The following SPAG16 variants were observed in gnomAD, a reference collection of about 807,000 sequenced individuals.
SPAG16 encodes the protein sperm-associated antigen 16 protein.
A neutral mutation model predicts 80.4 loss-of-function variants in SPAG16; 86 were observed. The observed-to-expected ratio is 1.07, with a 90% CI of 0.90 to 1.28. The LOEUF (loss-of-function observed/expected upper bound fraction) is 1.28, where lower values mean the gene tolerates loss of function less well. SPAG16 is among the 50% of genes most tolerant of loss of function. The pLI, the probability that SPAG16 is intolerant of heterozygous loss-of-function variation, is 0.00. For missense variants in SPAG16, 870 were observed against 765.3 expected (o/e 1.14, Z -1.61); for synonymous variants, 294 against 265.9 (o/e 1.11, Z -1.03).
chr2:214,359,016 A>T (rs1699000974), intron 15 of SPAG16, among the ~76,000 whole-genome samples: 1 of 151,908 alleles, frequency 6.6e-6, no homozygotes, highest in African/African-American at 2.4e-5. Flanking sequence ...GAGGAAAGAA[A>T]GGATCAGTTA....
At chr2:214,401,421 A>T (rs970431307) in intron 15 of SPAG16, among the ~76,000 whole-genome samples, 1 of 151,928 alleles carries the variant, frequency 6.6e-6, no homozygotes, top group Non-Finnish European at 1.5e-5. Flanking sequence ...ATGTTATTTC[A>T]TATATGGCAC....
intron 5 of SPAG16, among the ~76,000 whole-genome samples, chr2:213,329,759 G>A (rs1352885226): frequency 6.6e-6 from 1 of 152,258 alleles, no homozygotes; most frequent in Admixed American, 6.5e-5. Flanking sequence ...TGTCTCCAGG[G>A]CATGTCAGAG....
In SPAG16 at chr2:214,053,300, GAACA is replaced by G. The variant is rs200494046; in HGVS notation, c.1527+39226_1527+39229del. ...AATCTATATTAAATCTTCTTAACTA[GAACA>G]AAAAAAAATGAAAATTAAACATTCT... On this transcript the variant is annotated intron_variant, in intron 13 of 15. Coordinates refer to ENST00000331683, the MANE Select transcript of SPAG16 (RefSeq NM_024532.5). 3.6e-3 allele frequency among the ~76,000 whole-genome samples: 551 copies of G among 152,162 alleles called. 5 individuals carry two copies. Among genetic ancestry groups the G allele is most frequent in the African/African-American group, 0.013 (519 of 41,498 alleles).
intron 15 of SPAG16, among the ~76,000 whole-genome samples, chr2:214,358,670 G>T (rs889069674): frequency 4.0e-5 from 6 of 151,840 alleles, no homozygotes; most frequent in African/African-American, 1.4e-4. Flanking sequence ...AGCTCTGCTT[G>T]TTGCAGTCTT....
intron 10 of SPAG16, among the ~76,000 whole-genome samples, chr2:213,733,136 A>C (rs1429918811): frequency 6.6e-6 from 1 of 151,738 alleles, no homozygotes; most frequent in Non-Finnish European, 1.5e-5. Context: ...ACTGATGTTG[A>C]GCTGTTTTTC....
At chr2:214,274,998 T>G (rs1692350260) in intron 15 of SPAG16, among the ~76,000 whole-genome samples, 1 of 152,170 alleles carries the variant, frequency 6.6e-6, no homozygotes, top group Admixed American at 6.5e-5. Context: ...TATTCAGAGA[T>G]TCAACTTCTT....
At chr2:214,350,146 G>T (rs1019090084) in intron 15 of SPAG16, among the ~76,000 whole-genome samples, 2 of 152,148 alleles carry the variant, frequency 1.3e-5, no homozygotes, top group Non-Finnish European at 2.9e-5. Flanking sequence ...TGACCATAAT[G>T]CAAGGTTTTC....
intron 15 of SPAG16, among the ~76,000 whole-genome samples, chr2:214,333,233 A>G (rs1303858784): frequency 1.3e-5 from 2 of 152,174 alleles, no homozygotes; most frequent in African/African-American, 4.8e-5. Flanking sequence ...GGTGCTTCTG[A>G]GTTCAGCTTC....
chr2:213,817,112 TATA>T (rs745370328), intron 10 of SPAG16, among the ~76,000 whole-genome samples: 7 of 151,440 alleles, frequency 4.6e-5, no homozygotes, highest in Non-Finnish European at 5.9e-5. Context: ...CACAGTACAC[TATA>T]ATAATAGTTA....
chr2:213,783,360 G>A (rs561902524), intron 10 of SPAG16, among the ~76,000 whole-genome samples: 3 of 150,760 alleles, frequency 2.0e-5, no homozygotes, highest in South Asian at 2.1e-4. Flanking sequence ...AAGAATCAGA[G>A]TGAAGATTTT....
chr2:213,406,915 G>A (rs1210935721), intron 9 of SPAG16, among the ~76,000 whole-genome samples: 1 of 142,592 alleles, frequency 7.0e-6, no homozygotes, highest in African/African-American at 2.7e-5. Flanking sequence ...GGAATAACCC[G>A]AGCTCTCAGC....
chr2:213,639,945 T>C (rs901196993), intron 10 of SPAG16, among the ~76,000 whole-genome samples: 3 of 152,204 alleles, frequency 2.0e-5, no homozygotes, highest in Admixed American at 6.5e-5. Flanking sequence ...AATTCTTTTT[T>C]TCTTTATCTG....
intron 2 of SPAG16, among the ~76,000 whole-genome samples, chr2:213,296,367 C>T (rs1406016986): frequency 1.3e-5 from 2 of 152,164 alleles, no homozygotes; most frequent in African/African-American, 2.4e-5. Context: ...TTATTACCTG[C>T]CTTGTAGATT....
intron 13 of SPAG16, among the ~76,000 whole-genome samples, chr2:214,031,345 A>C (rs2048398419): frequency 6.7e-6 from 1 of 148,162 alleles, no homozygotes; most frequent in Non-Finnish European, 1.5e-5. Context: ...AGGACAAAAA[A>C]CCAAACACCG....
chr2:213,689,442 CT>C (rs1251992113), intron 10 of SPAG16, among the ~76,000 whole-genome samples: 1 of 139,988 alleles, frequency 7.1e-6, no homozygotes, highest in Admixed American at 7.2e-5. Context: ...CTTTAGATTT[CT>C]TTTGAAAAGC....
chr2:214,087,806 C>T (rs1361164503), intron 13 of SPAG16, among the ~76,000 whole-genome samples: 1 of 151,922 alleles, frequency 6.6e-6, no homozygotes, highest in East Asian at 1.9e-4. Context: ...AAAAAAATAT[C>T]TAGACAAATC....
intron 6 of SPAG16, among the ~76,000 whole-genome samples, chr2:213,349,688 A>G (rs1456150573): frequency 6.6e-6 from 1 of 152,194 alleles, no homozygotes; most frequent in Non-Finnish European, 1.5e-5. Flanking sequence ...TGTGGAATAT[A>G]CATACATACA....
chr2:213,386,164 A>G (rs1482214082), intron 9 of SPAG16, among the ~76,000 whole-genome samples: 2 of 152,106 alleles, frequency 1.3e-5, no homozygotes, highest in Non-Finnish European at 2.9e-5. Context: ...ATTCTTCCCA[A>G]TGTCTTCCAA....
chr2:213,523,469 A>C (rs904046356), intron 10 of SPAG16, among the ~76,000 whole-genome samples: 1 of 152,198 alleles, frequency 6.6e-6, no homozygotes, highest in African/African-American at 2.4e-5. Flanking sequence ...AAAGATACCC[A>C]AAAATGTGGA....
Sources: allele counts gnomAD v4.1 joint callset (sites outside exome capture counted in the v4.1 genomes callset), GRCh38; gene constraint gnomAD v4.1.1; transcripts MANE v1.5; gene names NCBI Gene and HGNC (gene_info 2026-07-23, HGNC 2026-07-21).